Variants in BAZ2B observed in about 807,000 individuals in gnomAD.
The protein encoded by BAZ2B is bromodomain adjacent to zinc finger domain protein 2B.
Under a neutral mutation model 246.0 loss-of-function variants are expected in BAZ2B, and 91 were observed. That is an observed-to-expected ratio of 0.37 (90% CI 0.31 to 0.44). BAZ2B has a LOEUF of 0.44. BAZ2B is among the 20% of genes least tolerant of loss of function. BAZ2B has a pLI of 1.00. For synonymous variants in BAZ2B, 855 were observed against 860.0 expected, an observed-to-expected ratio of 0.99 and a Z score of 0.10; for missense variants, 2,332 against 2,533.7, an observed-to-expected ratio of 0.92 and a Z score of 1.71.
chr2:159,535,947 C>T (rs2085929305), intron 2 of BAZ2B, among the ~76,000 whole-genome samples: 1 of 152,000 alleles, frequency 6.6e-6, no homozygotes. Flanking sequence ...GTAATTGGTC[C>T]CCAAGTTCTC....
rs751237644 is a variant in BAZ2B at position 159,430,902 on chromosome 2, C to G, written c.2155G>C (p.Gly719Arg). The G allele has an allele frequency of 2.5e-6, 4 of 1,613,748 alleles. No homozygotes were observed. In the East Asian group the frequency reaches 8.9e-5, roughly 36 times the overall value. The change falls in exon 10 of 37, where the codon GGT becomes CGT. Residue 719 changes from glycine (G) to arginine (R), a missense_variant. By Grantham distance (125) the Gly-to-Arg change is moderately radical. Transcript: ENST00000392783. ...GAAGTAAGTGTGGAAGAAGATGTAC[C>G]AAGAAAAGCAGGTGACTGGGATTCA... The part of the protein sequence containing the change: ...CSESQSPAFL[G>R]TSSSTLTSSP...
chr2:159,550,713 T>C (rs1173297972), intron 2 of BAZ2B, among the ~76,000 whole-genome samples: 1 of 152,228 alleles, frequency 6.6e-6, no homozygotes, highest in East Asian at 1.9e-4. Context: ...TCTGACAGTA[T>C]GTACACTATA....
At chr2:159,499,412 C>G (rs1352691155) in intron 2 of BAZ2B, among the ~76,000 whole-genome samples, 2 of 152,126 alleles carry the variant, frequency 1.3e-5, no homozygotes, top group Non-Finnish European at 2.9e-5. Context: ...TTTTCTTTAT[C>G]CAGTCTATCA....
chr2:159,708,108 TG>T, the BAZ2B span, among the ~76,000 whole-genome samples: 1 of 152,036 alleles, frequency 6.6e-6, no homozygotes, highest in African/African-American at 2.4e-5. Context: ...GCTTGGAGTT[TG>T]GGACCAGCCT....
At chr2:159,687,165 T>TA in the BAZ2B span, among the ~76,000 whole-genome samples, 1 of 151,806 alleles carries the variant, frequency 6.6e-6, no homozygotes, top group South Asian at 2.1e-4. Context: ...ACTGTGAAAA[T>TA]AGAGTATTTG....
chr2:159,642,060 A>C, the BAZ2B span, among the ~76,000 whole-genome samples: 22 of 152,076 alleles, frequency 1.4e-4, no homozygotes, highest in Non-Finnish European at 7.4e-5. Context: ...TTTTCTGCTC[A>C]AGTTCTATTA....
intron 1 of BAZ2B, among the ~76,000 whole-genome samples, chr2:159,565,777 CAA>C (rs35993512): frequency 0.48 from 52,402 of 108,932 alleles, 10,830 homozygotes; most frequent in Middle Eastern, 0.66. Flanking sequence ...ACTCCCATCT[CAA>C]AAAAAAAAAA....
chr2:159,515,753 T>G (rs1229834167), intron 2 of BAZ2B, among the ~76,000 whole-genome samples: 1 of 152,104 alleles, frequency 6.6e-6, no homozygotes, highest in East Asian at 1.9e-4. Context: ...ATTCCCTTCT[T>G]ATATTCTGAA....
At chr2:159,378,765 A>G (rs575342295) in intron 25 of BAZ2B, among the ~76,000 whole-genome samples, 1 of 152,336 alleles carries the variant, frequency 6.6e-6, no homozygotes, top group South Asian at 2.1e-4. Flanking sequence ...CACACCTGTT[A>G]GGGTAATTAC....
chr2:159,397,635 T>A (rs2064237113), intron 18 of BAZ2B, among the ~76,000 whole-genome samples: 2 of 152,208 alleles, frequency 1.3e-5, no homozygotes, highest in South Asian at 4.1e-4. Context: ...TCTTCAGTAG[T>A]CATTTTAACT....
At chr2:159,655,124 C>G in the BAZ2B span, among the ~76,000 whole-genome samples, 2 of 151,970 alleles carry the variant, frequency 1.3e-5, no homozygotes, top group Non-Finnish European at 2.9e-5. Context: ...ATAACTTAAA[C>G]AAACATGCAC....
the BAZ2B span, among the ~76,000 whole-genome samples, chr2:159,653,623 C>G: frequency 6.6e-6 from 1 of 152,120 alleles, no homozygotes; most frequent in African/African-American, 2.4e-5. Context: ...AAACCTGGAT[C>G]TTCTGGCTTA....
chr2:159,363,315 C>T (rs1179841670), intron 27 of BAZ2B, among the ~76,000 whole-genome samples: 1 of 152,160 alleles, frequency 6.6e-6, no homozygotes, highest in Admixed American at 6.5e-5. Context: ...TACTCTAACA[C>T]ACTCTGAGAC....
intron 2 of BAZ2B, among the ~76,000 whole-genome samples, chr2:159,521,738 A>T (rs981024411): frequency 6.6e-6 from 1 of 152,032 alleles, no homozygotes; most frequent in African/African-American, 2.4e-5. Flanking sequence ...TTCTGCTTCT[A>T]TCAGCACTAT....
chr2:159,564,302 C>T (rs1045304201), intron 1 of BAZ2B, among the ~76,000 whole-genome samples: 4 of 152,070 alleles, frequency 2.6e-5, no homozygotes, highest in Admixed American at 6.6e-5. Context: ...AAGGCAGAGA[C>T]CACAGAGGGC....
Position 159,439,107 on chromosome 2 carries a change from G to C in BAZ2B, c.802C>G (p.Leu268Val), listed in dbSNP as rs1238236645. The change falls in exon 7 of 37, where the codon CTA (leucine) becomes GTA (valine). Residue 268 changes from leucine to valine, a missense_variant. By Grantham distance (32) the Leu-to-Val change is conservative. Around this residue, in one of 9 missense-constraint regions of BAZ2B, gnomAD observed 161 missense variants for 225.8 expected, o/e 0.71. Coordinates refer to ENST00000392783, the MANE Select transcript of BAZ2B (RefSeq NM_013450.4). ...TCTTCTTCTTCTTCATCTTCTTCTA[G>C]ATCATCTGAATCACTGCTACTAATG... The part of the protein sequence containing the change: ...EGISSSDSDD[L>V]EEDEEEEDQS... 6.2e-7 allele frequency: 1 copy of C among 1,613,538 alleles called. No individual in the cohort carries two copies. Among genetic ancestry groups the C allele is most frequent in the African/African-American group, 1.3e-5 (1 of 74,836 alleles).
chr2:159,386,427 C>T lies in BAZ2B; in HGVS notation c.3397G>A (p.Gly1133Ser). Residue 1133 changes from glycine to serine, a missense_variant, in exon 22 of 37, where the codon GGT becomes AGT. Coordinates refer to ENST00000392783, the MANE Select transcript of BAZ2B (RefSeq NM_013450.4). ...CTCACAAGCAAGTCTTGTACTTCAC[C>T]CATGCTGTCCCCTATATTTAGCAAT... The part of the protein sequence containing the change: ...EGLLNIGDSM[G>S]EVQDLLVRLL... 6.2e-7 allele frequency: 1 copy of T among 1,613,434 alleles called. No homozygotes were observed. Among genetic ancestry groups the T allele is most frequent in the Non-Finnish European group, 8.5e-7 (1 of 1,179,654 alleles).
the BAZ2B span, among the ~76,000 whole-genome samples, chr2:159,645,083 T>G: frequency 6.6e-6 from 1 of 152,076 alleles, no homozygotes; most frequent in East Asian, 1.9e-4. Flanking sequence ...GAGACCAGCC[T>G]GGGCAACATG....
chr2:159,657,517 T>C, the BAZ2B span, among the ~76,000 whole-genome samples: 5 of 152,190 alleles, frequency 3.3e-5, no homozygotes, highest in Non-Finnish European at 7.4e-5. Context: ...ATGACTTTGA[T>C]TGAGATTCTG....
Sources: allele counts gnomAD v4.1 joint callset (sites outside exome capture counted in the v4.1 genomes callset), GRCh38; gene constraint gnomAD v4.1.1; regional missense constraint gnomAD v4.1.1; transcripts MANE v1.5; gene names NCBI Gene and HGNC (gene_info 2026-07-23, HGNC 2026-07-21).